THSD4: variants seen among roughly 807,000 people sequenced by gnomAD.
THSD4 encodes the protein thrombospondin type 1 domain containing 4.
Under a neutral mutation model 119.0 loss-of-function variants are expected in THSD4, and 69 were observed. The observed-to-expected ratio is 0.58, with a 90% confidence interval of 0.48 to 0.71. The LOEUF (loss-of-function observed/expected upper bound fraction) is 0.71. Among genes scored for constraint, THSD4 ranks in the 30% least tolerant of loss-of-function variants. The pLI is 0.00. For synonymous variants in THSD4, 524 were observed against 540.4 expected (o/e 0.97, Z 0.42); for missense variants, 1,393 against 1,391.1 (o/e 1.00, Z -0.02).
chr15:71,307,586 A>G (rs1002992734), intron 6 of THSD4, among the ~76,000 whole-genome samples: 3 of 152,202 alleles, frequency 2.0e-5, no homozygotes, highest in South Asian at 2.1e-4. Context: ...CCTGGCCAAC[A>G]TGGTGAAACC....
intron 7 of THSD4, among the ~76,000 whole-genome samples, chr15:71,450,927 C>T (rs986768385): frequency 6.6e-6 from 1 of 152,132 alleles, no homozygotes. Flanking sequence ...CCTGTAATCT[C>T]AGCACTTTGG....
chr15:71,360,396 C>A (rs1042071620), intron 6 of THSD4, among the ~76,000 whole-genome samples: 1 of 152,128 alleles, frequency 6.6e-6, no homozygotes, highest in African/African-American at 2.4e-5. Context: ...AGATTCAACA[C>A]GATGGGTTAC....
At chr15:71,431,932 A>G (rs555641428) in intron 7 of THSD4, among the ~76,000 whole-genome samples, 1 of 152,308 alleles carries the variant, frequency 6.6e-6, no homozygotes, top group Admixed American at 6.5e-5. Context: ...AGAAATCAGG[A>G]GGCATTCACA....
intron 11 of THSD4, 139 bp downstream of exon 11, chr15:71,738,146 G>A (rs1057332976): frequency 1.4e-5 from 17 of 1,187,988 alleles, no homozygotes; most frequent in South Asian, 4.7e-5. Context: ...GGATGGTGGC[G>A]GGGTTGGGGG....
chr15:71,565,805 A>G (rs1203792838), intron 7 of THSD4, among the ~76,000 whole-genome samples: 2 of 152,222 alleles, frequency 1.3e-5, no homozygotes, highest in Non-Finnish European at 2.9e-5. Context: ...ACAAGGGGGA[A>G]GCATCGTCTA....
In THSD4 at chr15:71,172,850, C is replaced by T. The variant is rs192764214; in HGVS notation, c.99+17918C>T. On this transcript the variant is annotated intron_variant, in intron 3 of 17. Coordinates refer to ENST00000261862, the MANE Select transcript of THSD4 (RefSeq NM_024817.3). ...TTCAATCTGTATCTTGTACAATATA[C>T]GAAAACTAACTCAGACTCAACAATC... 3.4e-3 allele frequency among the ~76,000 whole-genome samples: 508 copies of T among 150,434 alleles called. 4 individuals are homozygous for T. Among genetic ancestry groups the T allele is most frequent in the African/African-American group, 0.012 (492 of 41,040 alleles).
At chr15:71,111,061 G>A, upstream of THSD4, 1 of 1,398,792 alleles carries the variant, frequency 7.1e-7, no homozygotes, top group South Asian at 1.4e-5. Context: ...TCTTGGCTGT[G>A]AGTATTATCA....
At chr15:71,263,292 A>G (rs1254936363) in intron 6 of THSD4, among the ~76,000 whole-genome samples, 1 of 148,344 alleles carries the variant, frequency 6.7e-6, no homozygotes, top group Non-Finnish European at 1.5e-5. Context: ...TGCAAAGGAC[A>G]TAATCTCATT....
intron 6 of THSD4, among the ~76,000 whole-genome samples, chr15:71,409,927 T>C (rs12903187): frequency 6.6e-6 from 1 of 151,842 alleles, no homozygotes; most frequent in Non-Finnish European, 1.5e-5. Context: ...TGTGTACTTA[T>C]CTTGTCTGTT....
chr15:71,665,902 G>A (rs930704861), intron 8 of THSD4, among the ~76,000 whole-genome samples: 15 of 152,154 alleles, frequency 9.9e-5, no homozygotes, highest in South Asian at 2.1e-4. Context: ...TTTGATTACC[G>A]TAGCCCTGTA....
intron 6 of THSD4, among the ~76,000 whole-genome samples, chr15:71,390,722 T>C (rs576978663): frequency 6.6e-6 from 1 of 151,878 alleles, no homozygotes; most frequent in Non-Finnish European, 1.5e-5. Flanking sequence ...GGAAGGGGAG[T>C]AGGAATAACT....
intron 8 of THSD4, among the ~76,000 whole-genome samples, chr15:71,698,550 C>T (rs983131143): frequency 6.6e-6 from 1 of 151,186 alleles, no homozygotes; most frequent in Non-Finnish European, 1.5e-5. Context: ...TTTCTTGCAG[C>T]ATTATTTACA....
Position 71,327,299 on chromosome 15 carries a change from T to A in THSD4, c.1015+70584T>A, listed in dbSNP as rs546967406. Reference sequence around the variant, plus strand: ...CCCATAGTTATGGAGGGGCTCACACTGTCCTGCCACCGGCCTACAGTTTCA... The same window carrying A: ...CCCATAGTTATGGAGGGGCTCACACAGTCCTGCCACCGGCCTACAGTTTCA... On this transcript the variant is annotated intron_variant, in intron 6 of 17. Coordinates refer to ENST00000261862, the MANE Select transcript of THSD4 (RefSeq NM_024817.3). 2.0e-5 allele frequency among the ~76,000 whole-genome samples: 3 copies of A among 152,308 alleles called. No homozygotes were observed. The South Asian group carries it at 6.2e-4, about 32-fold the overall frequency.
In THSD4 at chr15:71,458,475, G is replaced by A. The variant is rs564013300; in HGVS notation, c.1152+46652G>A. ...AATGTAAAAAAACAACAGTACTGCA[G>A]TAGGACTATGATAAGGTGTATAAAG... is the stretch of plus-strand genomic sequence containing the variant. On this transcript the variant is annotated intron_variant, in intron 7 of 17. Coordinates refer to ENST00000261862, the MANE Select transcript of THSD4 (RefSeq NM_024817.3). 3.2e-4 allele frequency among the ~76,000 whole-genome samples: 49 copies of A among 152,324 alleles called. 2 individuals carry two copies. The highest frequency in any genetic ancestry group is 9.6e-4 in the African/African-American group (40 of 41,570).
chr15:71,111,123 T>C, upstream of THSD4: 1 of 1,583,708 alleles, frequency 6.3e-7, no homozygotes, highest in South Asian at 1.2e-5. Flanking sequence ...TTCCAAAAGT[T>C]GTCTTGTACC....
intron 7 of THSD4, among the ~76,000 whole-genome samples, chr15:71,573,721 G>T (rs1403452079): frequency 2.0e-5 from 3 of 152,178 alleles, no homozygotes; most frequent in African/African-American, 7.2e-5. Flanking sequence ...TGCTGTAGAG[G>T]TAGGTTATGA....
intron 8 of THSD4, among the ~76,000 whole-genome samples, chr15:71,721,503 TC>T (rs2052722294): frequency 2.4e-5 from 1 of 42,222 alleles, no homozygotes; most frequent in South Asian, 3.1e-3. Context: ...CGAGATTCTG[TC>T]TTAAAAAAAA....
At chr15:71,752,331 G>A (rs535668469) in intron 14 of THSD4, among the ~76,000 whole-genome samples, 1 of 152,248 alleles carries the variant, frequency 6.6e-6, no homozygotes, top group Non-Finnish European at 1.5e-5. Flanking sequence ...AAGTAATTTT[G>A]CTTTGCATTT....
chr15:71,226,529 T>C (rs1464762712), intron 4 of THSD4, among the ~76,000 whole-genome samples: 1 of 152,232 alleles, frequency 6.6e-6, no homozygotes, highest in African/African-American at 2.4e-5. Flanking sequence ...TAGGAATCAT[T>C]TGTTTTTTCA....
Sources: gnomAD v4.1 joint callset for allele counts (sites outside exome capture counted in the v4.1 genomes callset) on GRCh38, gnomAD v4.1.1 for gene constraint, MANE v1.5 for transcripts, NCBI Gene and HGNC (gene_info 2026-07-23, HGNC 2026-07-21) for gene names.